DGKH: variants seen among roughly 807,000 people sequenced by gnomAD.
The protein encoded by DGKH is diacylglycerol kinase eta.
In DGKH, 90 loss-of-function variants were observed where a neutral mutation model predicts 159.3. The observed-to-expected ratio is 0.57, with a 90% CI of 0.48 to 0.67. DGKH has a LOEUF of 0.67. Among genes scored for constraint, DGKH ranks in the 30% least tolerant of loss-of-function variants. The pLI, the probability that DGKH is intolerant of heterozygous loss-of-function variation, is 0.00. For missense variants in DGKH, 1,181 were observed against 1,506.1 expected (o/e 0.78, Z 3.57); for synonymous variants, 536 against 553.8 (o/e 0.97, Z 0.45).
intron 1 of DGKH, among the ~76,000 whole-genome samples, chr13:42,061,974 AGAGT>A (rs987989422): frequency 1.1e-5 from 1 of 90,090 alleles, no homozygotes; most frequent in African/African-American, 3.4e-5. Context: ...AGAAAGATGG[AGAGT>A]GTGTGTGTGG....
At chr13:42,117,981 G>A (rs1954994591) in intron 1 of DGKH, among the ~76,000 whole-genome samples, 2 of 152,146 alleles carry the variant, frequency 1.3e-5, no homozygotes, top group Non-Finnish European at 2.9e-5. Context: ...ACTTTGGGAG[G>A]CCGAGACAGG....
At chr13:42,129,252 T>C (rs1955237224) in intron 2 of DGKH, among the ~76,000 whole-genome samples, 1 of 152,210 alleles carries the variant, frequency 6.6e-6, no homozygotes, top group Admixed American at 6.5e-5. Flanking sequence ...TGCATGTGTA[T>C]GCCACGCACT....
At chr13:42,246,362 T>C (rs995764818), downstream of DGKH, among the ~76,000 whole-genome samples, 1 of 151,912 alleles carries the variant, frequency 6.6e-6, no homozygotes, top group Admixed American at 6.6e-5. Flanking sequence ...GGGAGGAGGA[T>C]CGCTTGAGCC....
At chr13:42,092,084 G>T (rs780023641) in intron 1 of DGKH, among the ~76,000 whole-genome samples, 50 of 152,112 alleles carry the variant, frequency 3.3e-4, no homozygotes, top group Non-Finnish European at 6.3e-4. Flanking sequence ...AAAGACAAAA[G>T]ATAACAAGTT....
At chr13:42,246,793 A>G (rs1042615733), downstream of DGKH, among the ~76,000 whole-genome samples, 2 of 152,238 alleles carry the variant, frequency 1.3e-5, no homozygotes, top group Non-Finnish European at 2.9e-5. Context: ...GAGGAAGGCC[A>G]CAAATGAAAG....
chr13:42,208,908 G>A lies in DGKH; in HGVS notation c.2602-51G>A, dbSNP rs368430845. 1.2e-4 allele frequency: 145 copies of A among 1,228,898 alleles called. No individual in the cohort carries two copies. In the Admixed American group the frequency reaches 1.5e-3, roughly 12 times the overall value. The allele number at this position is 1,228,898 out of a possible 1,614,324, so 76.1% of individuals were successfully genotyped here. On this transcript the variant is annotated intron_variant, in intron 21 of 29. Coordinates refer to ENST00000337343, the MANE Select transcript of DGKH (RefSeq NM_178009.5). ...TATATTGCAGTTTACATTGCTTAACGTGCTCTTCACCTAAACATTCAGTAG... is the reference window on the plus strand; with the variant it reads ...TATATTGCAGTTTACATTGCTTAACATGCTCTTCACCTAAACATTCAGTAG...
intron 16 of DGKH, among the ~76,000 whole-genome samples, chr13:42,192,905 A>AT (rs1957118380): frequency 6.6e-6 from 1 of 152,234 alleles, no homozygotes. Context: ...GTATTAGCAC[A>AT]TTGGTACCCA....
intron 1 of DGKH, among the ~76,000 whole-genome samples, chr13:42,042,304 C>T (rs1880560226): frequency 6.6e-6 from 1 of 152,234 alleles, no homozygotes; most frequent in African/African-American, 2.4e-5. Context: ...CAACACCAAT[C>T]ACAATGGAAA....
intron 3 of DGKH, among the ~76,000 whole-genome samples, chr13:42,155,080 A>G (rs1040127212): frequency 6.6e-6 from 1 of 152,234 alleles, no homozygotes; most frequent in Non-Finnish European, 1.5e-5. Context: ...AAAAAGGGCT[A>G]AAGAGCCCAA....
At position 42,107,456 on chromosome 13, in the gene DGKH, T is replaced by G. The variant is rs1471016937; in HGVS notation, c.193-20007T>G. Among the ~76,000 whole-genome samples the G allele has an allele frequency of 3.9e-5, 6 of 152,202 alleles. No homozygotes were observed. In the East Asian group the frequency reaches 1.2e-3, roughly 29 times the overall value. On this transcript the variant is annotated intron_variant, in intron 1 of 29. Coordinates refer to ENST00000337343, the MANE Select transcript of DGKH (RefSeq NM_178009.5). ...CATGCCGAATTAAAGGGCTTTGCCT[T>G]GTTCTGTAGTTGATGAACAACCAAT...
intron 1 of DGKH, among the ~76,000 whole-genome samples, chr13:42,084,367 A>G (rs1012299776): frequency 3.3e-5 from 5 of 152,100 alleles, no homozygotes; most frequent in Non-Finnish European, 7.4e-5. Flanking sequence ...TTGATACTAC[A>G]TCTTAGGAAA....
At chr13:42,186,462 T>C (rs1956931653) in intron 13 of DGKH, among the ~76,000 whole-genome samples, 1 of 152,198 alleles carries the variant, frequency 6.6e-6, no homozygotes, top group South Asian at 2.1e-4. Flanking sequence ...CTGCTGACAC[T>C]AACAAGACCT....
intron 1 of DGKH, among the ~76,000 whole-genome samples, chr13:42,050,000 A>T (rs532219000): frequency 6.6e-6 from 1 of 152,236 alleles, no homozygotes; most frequent in Non-Finnish European, 1.5e-5. Flanking sequence ...TTTGCAAAAA[A>T]TTCATTCTAC....
chr13:42,217,656 T>TA (rs1409954540), intron 26 of DGKH, among the ~76,000 whole-genome samples: 4 of 152,186 alleles, frequency 2.6e-5, no homozygotes. Context: ...CTTTTAGTTC[T>TA]AAAATTCTAT....
At chr13:42,212,493 G>A (rs1046932555) in intron 24 of DGKH, among the ~76,000 whole-genome samples, 2 of 152,138 alleles carry the variant, frequency 1.3e-5, no homozygotes, top group Non-Finnish European at 2.9e-5. Context: ...CTAATTTACA[G>A]TGTTTTTTTG....
At chr13:42,061,231 C>G (rs770371310) in intron 1 of DGKH, among the ~76,000 whole-genome samples, 1 of 152,142 alleles carries the variant, frequency 6.6e-6, no homozygotes, top group Non-Finnish European at 1.5e-5. Context: ...TCTTCTTATG[C>G]AACTGGGCTT....
chr13:42,047,827 G>T (rs1704414600), upstream of DGKH, among the ~76,000 whole-genome samples: 1 of 152,180 alleles, frequency 6.6e-6, no homozygotes, highest in African/African-American at 2.4e-5. Flanking sequence ...AGGCAATCTC[G>T]GTTAGCGCTT....
Position 42,166,783 on chromosome 13 carries a change from G to A in DGKH, c.1118+109G>A, listed in dbSNP as rs1047138773. On this transcript the variant is annotated intron_variant, in intron 9 of 29. Coordinates refer to ENST00000337343, the MANE Select transcript of DGKH (RefSeq NM_178009.5). Reference sequence around the variant, plus strand: ...ACAGATTCCTCTAGATCCCTCCCTCGTTTTTAAAGCTCTAATTATAAGTTT... The same window carrying A: ...ACAGATTCCTCTAGATCCCTCCCTCATTTTTAAAGCTCTAATTATAAGTTT... 4.9e-5 allele frequency: 46 copies of A among 943,792 alleles called. 1 individual carries two copies. The highest frequency in any genetic ancestry group is 1.1e-4 in the South Asian group (3 of 27,838). The allele number at this position is 943,792 out of a possible 1,614,324, so 58.5% of individuals were successfully genotyped here.
At chr13:42,148,695 C>A (rs549188353) in intron 3 of DGKH, among the ~76,000 whole-genome samples, 3 of 152,278 alleles carry the variant, frequency 2.0e-5, no homozygotes, top group South Asian at 2.1e-4. Context: ...AATCTGTACT[C>A]TTTGGTGTGG....
Sources: gnomAD v4.1 joint callset for allele counts (sites outside exome capture counted in the v4.1 genomes callset) on GRCh38, gnomAD v4.1.1 for gene constraint, MANE v1.5 for transcripts, NCBI Gene and HGNC (gene_info 2026-07-23, HGNC 2026-07-21) for gene names.